The following SYT2 variants were observed in gnomAD, a reference collection of about 807,000 sequenced individuals.
SYT2 encodes the protein synaptotagmin-2.
SYT2 carries 15 observed loss-of-function variants against 39.9 expected under a neutral mutation model. The ratio of observed to expected loss-of-function variants is 0.38; its 90% CI spans 0.25 to 0.58. SYT2 has a LOEUF of 0.58. SYT2 is among the 20% of genes least tolerant of loss of function. The pLI, the probability that SYT2 is intolerant of heterozygous loss-of-function variation, is 0.70. For missense variants in SYT2, 389 were observed against 530.3 expected, an observed-to-expected ratio of 0.73 and a Z score of 2.62; for synonymous variants, 181 against 204.5, an observed-to-expected ratio of 0.89 and a Z score of 0.98.
At chr1:202,697,114 A>G (rs1653992010) in intron 1 of SYT2, among the ~76,000 whole-genome samples, 2 of 152,240 alleles carry the variant, frequency 1.3e-5, no homozygotes, top group South Asian at 4.1e-4. Flanking sequence ...TGAGAGCATT[A>G]GCTCCTAACG....
intron 3 of SYT2, among the ~76,000 whole-genome samples, chr1:202,603,795 G>C (rs1690606628): frequency 6.6e-6 from 1 of 152,022 alleles, no homozygotes; most frequent in Non-Finnish European, 1.5e-5. Context: ...GCACTCAAAG[G>C]CCATTTAGAT....
intron 1 of SYT2, among the ~76,000 whole-genome samples, chr1:202,663,515 G>A (rs1042010922): frequency 3.3e-5 from 5 of 152,088 alleles, no homozygotes; most frequent in Admixed American, 1.3e-4. Flanking sequence ...ACTCCACTTC[G>A]AAACCTCAGC....
chr1:202,634,937 A>G (rs574458038), intron 1 of SYT2, among the ~76,000 whole-genome samples: 10 of 152,292 alleles, frequency 6.6e-5, no homozygotes, highest in African/African-American at 1.7e-4. Context: ...GGGGTGAAAA[A>G]ATGTTCTGAA....
intron 1 of SYT2, among the ~76,000 whole-genome samples, chr1:202,626,843 T>G (rs2149087960): frequency 6.6e-6 from 1 of 152,280 alleles, no homozygotes; most frequent in Admixed American, 6.5e-5. Flanking sequence ...ATGAGTTCAT[T>G]TCCCTGGGAT....
At chr1:202,665,646 T>C (rs1380778108) in intron 1 of SYT2, among the ~76,000 whole-genome samples, 3 of 152,178 alleles carry the variant, frequency 2.0e-5, no homozygotes, top group Admixed American at 6.5e-5. Flanking sequence ...TTTCCATACT[T>C]CCTCATTTTC....
intron 1 of SYT2, among the ~76,000 whole-genome samples, chr1:202,684,123 A>T (rs1200270673): frequency 1.3e-5 from 2 of 152,184 alleles, no homozygotes; most frequent in African/African-American, 4.8e-5. Flanking sequence ...TATATAGTGA[A>T]ATCATTACTA....
intron 1 of SYT2, among the ~76,000 whole-genome samples, chr1:202,649,623 C>T (rs183755221): frequency 6.6e-6 from 1 of 152,302 alleles, no homozygotes; most frequent in Non-Finnish European, 1.5e-5. Context: ...CCTCCTGAGG[C>T]CGCACTCCAA....
intron 1 of SYT2, among the ~76,000 whole-genome samples, chr1:202,694,085 C>T (rs1039883433): frequency 1.3e-5 from 2 of 152,232 alleles, no homozygotes; most frequent in African/African-American, 2.4e-5. Context: ...GATCTGACCC[C>T]ATTACCCAAA....
intron 1 of SYT2, chr1:202,639,426 T>C (rs1439544028): frequency 1.1e-6 from 1 of 887,624 alleles, no homozygotes; most frequent in Non-Finnish European, 1.3e-6. Context: ...GTCGCTGGGC[T>C]TGGAGCTCCC....
intron 1 of SYT2, among the ~76,000 whole-genome samples, chr1:202,659,812 C>T (rs1235567965): frequency 1.3e-5 from 2 of 152,138 alleles, no homozygotes; most frequent in East Asian, 3.9e-4. Context: ...GAGGTGCTGC[C>T]AGTCAGCCCA....
chr1:202,633,007 A>T (rs1268438043), intron 1 of SYT2: 1 of 152,248 alleles, frequency 6.6e-6, no homozygotes. Context: ...GAAGTAAGGA[A>T]TATGGACTAA....
chr1:202,698,852 G>C (rs1373607517), intron 1 of SYT2, among the ~76,000 whole-genome samples: 3 of 152,122 alleles, frequency 2.0e-5, no homozygotes, highest in Admixed American at 1.3e-4. Context: ...AACTCTTAGA[G>C]GGCCTGCTCA....
At chr1:202,602,271 A>G (rs1248261542) in intron 5 of SYT2, 107 bp downstream of exon 5, 4 of 1,358,710 alleles carry the variant, frequency 2.9e-6, no homozygotes, top group African/African-American at 1.5e-5. Flanking sequence ...CAAGGCTGCC[A>G]TTGTTCCAGG....
At chr1:202,653,262 C>T (rs901152437) in intron 1 of SYT2, among the ~76,000 whole-genome samples, 2 of 152,268 alleles carry the variant, frequency 1.3e-5, no homozygotes, top group South Asian at 4.2e-4. Context: ...TCCTCATATC[C>T]CTGCATAGAT....
At chr1:202,630,323 A>G (rs1468242939) in intron 1 of SYT2, 1 of 972,292 alleles carries the variant, frequency 1.0e-6, no homozygotes, top group African/African-American at 1.8e-5. Context: ...GCTGGAGGAC[A>G]CATGGGGAGA....
intron 1 of SYT2, among the ~76,000 whole-genome samples, chr1:202,678,517 C>G (rs1184064443): frequency 1.3e-5 from 2 of 152,080 alleles, no homozygotes; most frequent in African/African-American, 2.4e-5. Context: ...GTGCCCCTCC[C>G]TCTCTGAGAT....
At chr1:202,597,400 G>T (rs1263078216) in intron 8 of SYT2, among the ~76,000 whole-genome samples, 5 of 152,150 alleles carry the variant, frequency 3.3e-5, no homozygotes, top group African/African-American at 1.2e-4. Flanking sequence ...CACAGAAGAG[G>T]TGACTGGGAC....
intron 1 of SYT2, among the ~76,000 whole-genome samples, chr1:202,664,389 A>G (rs867893149): frequency 1.6e-4 from 24 of 152,240 alleles, no homozygotes; most frequent in Admixed American, 1.4e-3. Context: ...TCATTGAATT[A>G]TAATACATAC....
chr1:202,643,804 C>A (rs1692004980), intron 1 of SYT2, among the ~76,000 whole-genome samples: 1 of 152,104 alleles, frequency 6.6e-6, no homozygotes, highest in African/African-American at 2.4e-5. Context: ...GCCCCCGGAG[C>A]CCTACGGGAC....
Sources: allele counts gnomAD v4.1 joint callset (sites outside exome capture counted in the v4.1 genomes callset), GRCh38; gene constraint gnomAD v4.1.1; transcripts MANE v1.5; gene names NCBI Gene and HGNC (gene_info 2026-07-23, HGNC 2026-07-21).